The following TSPEAR variants were observed in gnomAD, a reference collection of about 807,000 sequenced individuals.
The protein encoded by TSPEAR is thrombospondin type laminin G domain and EAR repeats.
Under a neutral mutation model 71.6 loss-of-function variants are expected in TSPEAR, and 69 were observed. The ratio of observed to expected loss-of-function variants is 0.96; its 90% CI spans 0.79 to 1.18. The LOEUF is 1.18. Among genes scored for constraint, TSPEAR ranks in the 50% most tolerant of loss-of-function variants. The pLI is 0.00. For missense variants in TSPEAR, 971 were observed against 894.9 expected, an observed-to-expected ratio of 1.09 and a Z score of -1.09; for synonymous variants, 402 against 387.2, an observed-to-expected ratio of 1.04 and a Z score of -0.45.
chr21:44,604,690 C>G (rs1426419117), intron 1 of TSPEAR, among the ~76,000 whole-genome samples: 1 of 152,234 alleles, frequency 6.6e-6, no homozygotes, highest in African/African-American at 2.4e-5. Flanking sequence ...GAGCTTTCAG[C>G]TTTTCACCAC....
At position 44,647,000 on chromosome 21, in the gene TSPEAR, C is replaced by A. The variant is rs973666864; in HGVS notation, c.82+64433G>T. On this transcript the variant is annotated intron_variant, in intron 1 of 11. Coordinates refer to ENST00000323084, the MANE Select transcript of TSPEAR (RefSeq NM_144991.3). ...AGCTGCCAGCCAGCTTGCTGCACCT[C>A]CTCCTCCTACCAGCAGGCCTGCTGC... The A allele has an allele frequency of 3.7e-6, 6 of 1,613,734 alleles. No homozygotes were observed. In the Admixed American group the frequency reaches 5.0e-5, roughly 13 times the overall value.
chr21:44,685,203 G>A (rs1296634446), intron 1 of TSPEAR, among the ~76,000 whole-genome samples: 1 of 152,206 alleles, frequency 6.6e-6, no homozygotes, highest in Admixed American at 6.5e-5. Context: ...ACCCACACAG[G>A]AGCAGAGGGT....
intron 3 of TSPEAR, among the ~76,000 whole-genome samples, chr21:44,531,837 G>A (rs1276637244): frequency 6.6e-6 from 1 of 152,254 alleles, no homozygotes; most frequent in Non-Finnish European, 1.5e-5. Context: ...CGTGGAGGCT[G>A]AACTCCGGAG....
At chr21:44,694,441 G>C (rs1473995074) in intron 1 of TSPEAR, among the ~76,000 whole-genome samples, 2 of 152,126 alleles carry the variant, frequency 1.3e-5, no homozygotes, top group Non-Finnish European at 2.9e-5. Context: ...ATGTTTAATG[G>C]GGACAGAGTT....
intron 2 of TSPEAR, among the ~76,000 whole-genome samples, chr21:44,538,786 G>A (rs1555916702): frequency 6.6e-6 from 1 of 152,198 alleles, no homozygotes; most frequent in Non-Finnish European, 1.5e-5. Context: ...GAAGACCCGG[G>A]CACAGGGGCT....
intron 1 of TSPEAR, among the ~76,000 whole-genome samples, chr21:44,706,410 T>TGCACACACACGCGCGC (rs1438479265): frequency 6.7e-6 from 1 of 149,722 alleles, no homozygotes; most frequent in Non-Finnish European, 1.5e-5. Context: ...CACGCACCCA[T>TGCACACACACGCGCGC]GCACACACAC....
chr21:44,630,263 C>T (rs763246484), intron 1 of TSPEAR, among the ~76,000 whole-genome samples: 2 of 152,140 alleles, frequency 1.3e-5, no homozygotes, highest in Non-Finnish European at 2.9e-5. Flanking sequence ...ACAGTAGTGA[C>T]GGCTTCCTGA....
At chr21:44,502,437 G>C (rs967787967) in intron 11 of TSPEAR, among the ~76,000 whole-genome samples, 2 of 152,198 alleles carry the variant, frequency 1.3e-5, no homozygotes, top group Non-Finnish European at 1.5e-5. Flanking sequence ...ATTGGTTAGG[G>C]GGCGAGAAAA....
intron 11 of TSPEAR, among the ~76,000 whole-genome samples, chr21:44,502,104 G>A (rs1472526471): frequency 3.3e-5 from 5 of 152,216 alleles, no homozygotes; most frequent in African/African-American, 1.2e-4. Context: ...GCGAGGAGAT[G>A]TCTCACTATA....
At chr21:44,702,277 G>C in intron 1 of TSPEAR, 1 of 1,608,262 alleles carries the variant, frequency 6.2e-7, no homozygotes. Flanking sequence ...GAGCTGCTGC[G>C]AGCCCCCCTG....
intron 1 of TSPEAR, among the ~76,000 whole-genome samples, chr21:44,581,890 G>T (rs996209644): frequency 1.3e-5 from 2 of 152,022 alleles, no homozygotes; most frequent in Non-Finnish European, 2.9e-5. Context: ...AGGGCATTGG[G>T]GTCCTGATCC....
chr21:44,508,899 C>T (rs781788045), intron 10 of TSPEAR: 2 of 1,478,960 alleles, frequency 1.4e-6, no homozygotes, highest in Non-Finnish European at 9.1e-7. Flanking sequence ...CATGAAGCCC[C>T]CTCCTGCCTC....
chr21:44,606,568 A>T (rs1444459515), intron 1 of TSPEAR, among the ~76,000 whole-genome samples: 1 of 152,054 alleles, frequency 6.6e-6, no homozygotes, highest in African/African-American at 2.4e-5. Flanking sequence ...AGAGGTCTGC[A>T]CTCCTATGTT....
intron 1 of TSPEAR, among the ~76,000 whole-genome samples, chr21:44,688,801 C>T (rs56058181): frequency 0.14 from 21,952 of 152,184 alleles, 1,994 homozygotes; most frequent in South Asian, 0.27. Flanking sequence ...CCCCACACAG[C>T]TCTGCTTCCC....
At chr21:44,516,734 C>CCCATG (rs2052584560) in intron 9 of TSPEAR, among the ~76,000 whole-genome samples, 1 of 152,134 alleles carries the variant, frequency 6.6e-6, no homozygotes, top group Non-Finnish European at 1.5e-5. Context: ...GGGGCAGTCC[C>CCCATG]CCATGCCAGG....
intron 9 of TSPEAR, among the ~76,000 whole-genome samples, chr21:44,514,125 C>G (rs587657908): frequency 6.6e-6 from 1 of 152,204 alleles, no homozygotes; most frequent in Non-Finnish European, 1.5e-5. Context: ...GGAGCCCTCC[C>G]GCCCAGGCTC....
intron 1 of TSPEAR, among the ~76,000 whole-genome samples, chr21:44,650,170 C>A (rs1002607174): frequency 6.6e-6 from 1 of 151,580 alleles, no homozygotes; most frequent in Non-Finnish European, 1.5e-5. Flanking sequence ...GAGCCGTGAT[C>A]GCGCCACTGC....
At chr21:44,573,675 C>T (rs371823582) in intron 1 of TSPEAR, 13 of 1,560,116 alleles carry the variant, frequency 8.3e-6, no homozygotes, top group Middle Eastern at 1.7e-4. Context: ...TATAAAAGCC[C>T]CACAAACCCG....
At chr21:44,552,721 G>A (rs1310554371) in intron 2 of TSPEAR, among the ~76,000 whole-genome samples, 3 of 152,218 alleles carry the variant, frequency 2.0e-5, no homozygotes, top group Admixed American at 6.5e-5. Flanking sequence ...CCGGCTGGAC[G>A]TGGGATAAAC....
Sources: allele counts gnomAD v4.1 joint callset (sites outside exome capture counted in the v4.1 genomes callset), GRCh38; gene constraint gnomAD v4.1.1; transcripts MANE v1.5; gene names NCBI Gene and HGNC (gene_info 2026-07-23, HGNC 2026-07-21).